The following ASIP variants were observed in gnomAD, a reference collection of about 807,000 sequenced individuals.
ASIP encodes the protein agouti signaling protein, also known as agouti-signaling protein.
In ASIP, 11 loss-of-function variants were observed where a neutral mutation model predicts 10.3. The observed-to-expected ratio is 1.07, with a 90% confidence interval of 0.68 to 1.78. The LOEUF (loss-of-function observed/expected upper bound fraction) is 1.78, where lower values mean the gene tolerates loss of function less well. Ranked by LOEUF, ASIP falls within the 40% of genes most tolerant of loss-of-function variation. The pLI is 0.00. For missense variants in ASIP, 180 were observed against 169.2 expected (o/e 1.06, Z -0.35); for synonymous variants, 70 against 70.8 (o/e 0.99, Z 0.06).
intron 1 of ASIP, among the ~76,000 whole-genome samples, chr20:34,258,673 C>CCA (rs2035615882): frequency 2.2e-4 from 1 of 4,606 alleles, no homozygotes; most frequent in African/African-American, 3.8e-4. Flanking sequence ...AAGGGGGATG[C>CCA]CATATATATA....
At chr20:34,240,523 T>C (rs942133942), upstream of ASIP, among the ~76,000 whole-genome samples, 1 of 152,182 alleles carries the variant, frequency 6.6e-6, no homozygotes, top group Non-Finnish European at 1.5e-5. Flanking sequence ...GCCCTTTGAC[T>C]GAAATCTGAA....
intron 1 of ASIP, chr20:34,215,866 T>C: frequency 8.7e-7 from 1 of 1,149,860 alleles, no homozygotes; most frequent in Non-Finnish European, 1.3e-6. Context: ...CATTTGGATT[T>C]AGCCCTAATA....
intron 1 of ASIP, among the ~76,000 whole-genome samples, chr20:34,206,288 G>A (rs1306614327): frequency 3.3e-5 from 5 of 152,134 alleles, no homozygotes; most frequent in Admixed American, 3.3e-4. Context: ...GAGCTACCAC[G>A]CCCGGCCTCG....
At chr20:34,210,301 A>T (rs879810252) in intron 1 of ASIP, among the ~76,000 whole-genome samples, 3 of 152,248 alleles carry the variant, frequency 2.0e-5, no homozygotes, top group Admixed American at 2.0e-4. Flanking sequence ...AGCCAGGGCT[A>T]TGACTCCGTC....
chr20:34,261,963 A>AT, intron 2 of ASIP, among the ~76,000 whole-genome samples: 1 of 151,948 alleles, frequency 6.6e-6, no homozygotes, highest in African/African-American at 2.4e-5. Context: ...AAATACAAAA[A>AT]TTAGCCAGGT....
At chr20:34,218,931 G>A (rs1396007905) in intron 1 of ASIP, among the ~76,000 whole-genome samples, 1 of 152,076 alleles carries the variant, frequency 6.6e-6, no homozygotes, top group African/African-American at 2.4e-5. Context: ...CCAAAATGCT[G>A]GAATCACAGG....
intron 1 of ASIP, among the ~76,000 whole-genome samples, chr20:34,246,968 CATT>C (rs11467792): frequency 0.11 from 16,948 of 151,680 alleles, 996 homozygotes; most frequent in South Asian, 0.19. Flanking sequence ...TTTTAGTTGT[CATT>C]GTTGTTGGTT....
chr20:34,260,590 C>T (rs2035673459), intron 2 of ASIP, 56 bp downstream of exon 2: 4 of 1,523,694 alleles, frequency 2.6e-6, no homozygotes, highest in African/African-American at 1.4e-5. Flanking sequence ...GGAGATCAAG[C>T]ATGCTTCCCA....
intron 3 of ASIP, among the ~76,000 whole-genome samples, chr20:34,268,691 G>T (rs2424990): frequency 0.24 from 37,050 of 151,300 alleles, 7,457 homozygotes; most frequent in African/African-American, 0.55. Flanking sequence ...CCGAGATCGC[G>T]CCACTGCAGT....
intron 1 of ASIP, among the ~76,000 whole-genome samples, chr20:34,225,824 G>A (rs1290454132): frequency 6.6e-6 from 1 of 151,398 alleles, no homozygotes; most frequent in African/African-American, 2.4e-5. Flanking sequence ...ATTTTTAATG[G>A]GTTCTTGTTG....
chr20:34,231,556 CA>C (rs2035122143), intron 1 of ASIP, among the ~76,000 whole-genome samples: 1 of 152,162 alleles, frequency 6.6e-6, no homozygotes. Context: ...TAACTTCTAT[CA>C]AAGGACACTG....
chr20:34,214,816 C>T, intron 1 of ASIP: 3 of 1,582,618 alleles, frequency 1.9e-6, no homozygotes, highest in Non-Finnish European at 2.6e-6. Flanking sequence ...ATAATCATAA[C>T]AAAATCCAAT....
At chr20:34,236,167 A>G (rs1432180006) in intron 1 of ASIP, among the ~76,000 whole-genome samples, 3 of 151,486 alleles carry the variant, frequency 2.0e-5, no homozygotes, top group Non-Finnish European at 4.4e-5. Context: ...GGGAGGGAAA[A>G]GAAAGAAAGA....
chr20:34,258,694 T>TATATATATATATATATATATATATAC (rs2035621922), intron 1 of ASIP, among the ~76,000 whole-genome samples: 1 of 37,094 alleles, frequency 2.7e-5, no homozygotes, highest in African/African-American at 2.1e-4. Context: ...TATATATACA[T>TATATATATATATATATATATATATAC]ACTATATATA....
rs1568755917 is a variant in ASIP at position 34,235,839 on chromosome 20, A to AAG, written c.-10-24524_-10-24523dup. ...AAAGAAAGAAAGAAAGAAAGAAAGA[A>AAG]AGAAGGAAGGAAGGAAGGAAGGAAG... On this transcript the variant is annotated intron_variant, in intron 1 of 3. Transcript: ENST00000568305. Among the ~76,000 whole-genome samples, 11 of 64,446 alleles carry AAG rather than the reference A, an allele frequency of 1.7e-4. No homozygotes were observed. In the African/African-American group the frequency reaches 1.9e-3, roughly 11 times the overall value. 42.3% of individuals were successfully genotyped at this position (64,446 alleles called of 152,430 possible).
At chr20:34,199,890 G>A (rs1448974875) in intron 1 of ASIP, among the ~76,000 whole-genome samples, 2 of 152,130 alleles carry the variant, frequency 1.3e-5, no homozygotes, top group African/African-American at 4.8e-5. Flanking sequence ...TGCATCAAAT[G>A]TTTATTTCTC....
intron 1 of ASIP, among the ~76,000 whole-genome samples, chr20:34,234,528 T>C (rs957215662): frequency 4.6e-5 from 7 of 152,120 alleles, no homozygotes; most frequent in South Asian, 2.1e-4. Flanking sequence ...TTCCTTCCTT[T>C]CTTTCCTTTC....
intron 1 of ASIP, among the ~76,000 whole-genome samples, chr20:34,225,614 T>C (rs1055803147): frequency 4.6e-5 from 7 of 152,166 alleles, no homozygotes; most frequent in African/African-American, 1.7e-4. Context: ...ATTTATGTAC[T>C]AATCTGGAGA....
chr20:34,204,013 C>G (rs1024099245), intron 1 of ASIP, among the ~76,000 whole-genome samples: 7 of 152,096 alleles, frequency 4.6e-5, no homozygotes, highest in African/African-American at 1.4e-4. Flanking sequence ...CGTGAGCCAC[C>G]ACGCCCGGCC....
Sources: allele counts gnomAD v4.1 joint callset (sites outside exome capture counted in the v4.1 genomes callset), GRCh38; gene constraint gnomAD v4.1.1; transcripts MANE v1.5; gene names NCBI Gene and HGNC (gene_info 2026-07-23, HGNC 2026-07-21).